EML4: variants seen among roughly 807,000 people sequenced by gnomAD.
EML4 encodes EMAP like 4.
EML4 carries 72 observed loss-of-function variants against 129.0 expected under a neutral mutation model. The observed-to-expected ratio is 0.56, with a 90% CI of 0.46 to 0.68. The LOEUF (loss-of-function observed/expected upper bound fraction) is 0.68. Among genes scored for constraint, EML4 ranks in the 30% least tolerant of loss-of-function variants. The pLI is 0.00. For synonymous variants in EML4, 532 were observed against 405.0 expected (o/e 1.31, Z -3.77); for missense variants, 1,363 against 1,190.6 (o/e 1.14, Z -2.13).
chr2:42,313,799 C>T (rs925926342), intron 17 of EML4, among the ~76,000 whole-genome samples: 22 of 152,006 alleles, frequency 1.4e-4, no homozygotes, highest in Non-Finnish European at 3.1e-4. Flanking sequence ...CGTGGTGGCA[C>T]ACGCCTGTAG....
At chr2:42,283,014 C>A (rs543490041) in intron 8 of EML4, 42 bp downstream of exon 8, 5 of 1,518,672 alleles carry the variant, frequency 3.3e-6, no homozygotes, top group Admixed American at 2.3e-5. Context: ...TTCTTTCAGG[C>A]CCTCATTTTG....
At chr2:42,170,104 G>C (rs549205766) in intron 1 of EML4, 1 of 155,042 alleles carries the variant, frequency 6.4e-6, no homozygotes, top group South Asian at 2.0e-4. Context: ...CTTTTTAGGG[G>C]AGGGACCCTC....
intron 1 of EML4, among the ~76,000 whole-genome samples, chr2:42,175,723 T>G (rs1407075589): frequency 1.3e-5 from 2 of 152,154 alleles, no homozygotes. Flanking sequence ...GGTCTTGAAC[T>G]GCTGTCCTCA....
chr2:42,300,409 C>G (rs1422815869), intron 13 of EML4, among the ~76,000 whole-genome samples: 1 of 152,164 alleles, frequency 6.6e-6, no homozygotes, highest in Non-Finnish European at 1.5e-5. Context: ...TTTAAAAAAC[C>G]ACATGTGTTT....
At chr2:42,274,137 T>C (rs1666526276) in intron 6 of EML4, among the ~76,000 whole-genome samples, 1 of 152,154 alleles carries the variant, frequency 6.6e-6, no homozygotes, top group Non-Finnish European at 1.5e-5. Context: ...GAAAAAAGGC[T>C]CAAATTAAGT....
At chr2:42,250,406 G>C (rs543698649) in intron 2 of EML4, among the ~76,000 whole-genome samples, 3 of 152,254 alleles carry the variant, frequency 2.0e-5, no homozygotes, top group Non-Finnish European at 4.4e-5. Flanking sequence ...AAATGTTATC[G>C]ATAAGCACAT....
intron 1 of EML4, among the ~76,000 whole-genome samples, chr2:42,231,774 C>A (rs1237998628): frequency 6.6e-6 from 1 of 152,014 alleles, no homozygotes; most frequent in East Asian, 1.9e-4. Flanking sequence ...ATGGTGAAAC[C>A]CTGTCTCTAC....
intron 1 of EML4, among the ~76,000 whole-genome samples, chr2:42,198,983 A>G (rs1057140784): frequency 1.3e-5 from 2 of 152,184 alleles, no homozygotes; most frequent in African/African-American, 2.4e-5. Context: ...AGTTGAAAGT[A>G]TTGCAGTGAG....
In EML4 at chr2:42,245,633, C is replaced by G. The variant is rs2104301609; in HGVS notation, c.154C>G (p.Leu52Val). Residue 52 changes from leucine (L) to valine (V), a missense_variant, in exon 2 of 23, where the codon CTT becomes GTT. By Grantham distance (32) the Leu-to-Val change is conservative. Transcript: ENST00000318522. ...GGCTTTGGCTGATGTTTTGAGGCGT[C>G]TTGCAATCTCTGAAGATCATGTGGC... is the stretch of plus-strand genomic sequence containing the variant. The part of the protein sequence containing the change: ...KAALADVLRR[L>V]AISEDHVASV... The G allele has an allele frequency of 6.2e-7, 1 of 1,613,624 alleles. No homozygotes were observed. Among genetic ancestry groups the G allele is most frequent in the Non-Finnish European group, 8.5e-7 (1 of 1,179,710 alleles).
At chr2:42,213,641 T>A (rs986739837) in intron 1 of EML4, among the ~76,000 whole-genome samples, 11 of 152,254 alleles carry the variant, frequency 7.2e-5, no homozygotes, top group African/African-American at 2.7e-4. Flanking sequence ...TCTCCCTTTT[T>A]CTTTTTCGCA....
chr2:42,327,809 C>G (rs1417901235), intron 21 of EML4, among the ~76,000 whole-genome samples: 1 of 152,174 alleles, frequency 6.6e-6, no homozygotes, highest in Non-Finnish European at 1.5e-5. Context: ...GCACCAATAC[C>G]TAAAGCAATA....
chr2:42,197,517 T>G (rs1186684442), intron 1 of EML4, among the ~76,000 whole-genome samples: 2 of 152,002 alleles, frequency 1.3e-5, no homozygotes, highest in African/African-American at 2.4e-5. Context: ...GCTTAAATAC[T>G]AGATTTTTTT....
At chr2:42,189,882 G>A (rs1043705663) in intron 1 of EML4, among the ~76,000 whole-genome samples, 1 of 151,860 alleles carries the variant, frequency 6.6e-6, no homozygotes, top group Non-Finnish European at 1.5e-5. Flanking sequence ...TAATTATATA[G>A]CTATATGAAG....
intron 1 of EML4, among the ~76,000 whole-genome samples, chr2:42,209,397 G>T (rs1321776992): frequency 6.6e-6 from 1 of 152,014 alleles, no homozygotes; most frequent in Non-Finnish European, 1.5e-5. Context: ...AGATATTCAT[G>T]ATCTGATTTA....
chr2:42,235,465 A>G (rs1674608363), intron 1 of EML4, among the ~76,000 whole-genome samples: 1 of 152,112 alleles, frequency 6.6e-6, no homozygotes, highest in Non-Finnish European at 1.5e-5. Context: ...TGTGTCTCAA[A>G]ACAAACAAAA....
At chr2:42,197,431 G>A (rs1671960361) in intron 1 of EML4, among the ~76,000 whole-genome samples, 3 of 151,948 alleles carry the variant, frequency 2.0e-5, no homozygotes, top group South Asian at 4.2e-4. Flanking sequence ...GATAGATATA[G>A]GCAATAAAAA....
intron 17 of EML4, among the ~76,000 whole-genome samples, chr2:42,313,147 A>C (rs952807131): frequency 6.7e-6 from 1 of 149,604 alleles, no homozygotes; most frequent in Non-Finnish European, 1.5e-5. Context: ...ATGGGGTTTC[A>C]CCGGGTTAGC....
chr2:42,232,441 A>T (rs1200800752), intron 1 of EML4, among the ~76,000 whole-genome samples: 1 of 152,226 alleles, frequency 6.6e-6, no homozygotes, highest in African/African-American at 2.4e-5. Context: ...ATAAAACTAC[A>T]GCCTTACATT....
chr2:42,199,224 G>A (rs941384973), intron 1 of EML4, among the ~76,000 whole-genome samples: 1 of 152,186 alleles, frequency 6.6e-6, no homozygotes, highest in Admixed American at 6.5e-5. Flanking sequence ...ATTGTTGTGG[G>A]TAATAAAGCG....
Sources: allele counts gnomAD v4.1 joint callset (sites outside exome capture counted in the v4.1 genomes callset), GRCh38; gene constraint gnomAD v4.1.1; transcripts MANE v1.5; gene names NCBI Gene and HGNC (gene_info 2026-07-23, HGNC 2026-07-21).